Variants in RERGL observed in about 807,000 individuals in gnomAD.
RERGL encodes ras-related and estrogen-regulated growth inhibitor-like protein.
RERGL carries 22 observed loss-of-function variants against 24.7 expected under a neutral mutation model. That is an observed-to-expected ratio of 0.89 (90% CI 0.64 to 1.27). The LOEUF (loss-of-function observed/expected upper bound fraction) is 1.27, where lower values mean the gene tolerates loss of function less well. Ranked by LOEUF, RERGL falls within the 50% of genes most tolerant of loss-of-function variation. RERGL has a pLI of 0.00. For synonymous variants in RERGL, 76 were observed against 82.6 expected (o/e 0.92, Z 0.43); for missense variants, 259 against 235.3 (o/e 1.10, Z -0.66).
Position 18,088,923 on chromosome 12 carries a change from A to G in RERGL, c.86T>C (p.Ile29Thr), listed in dbSNP as rs376470962. 81 of 1,609,910 alleles carry G rather than the reference A, an allele frequency of 5.0e-5. No individual in the cohort carries two copies. In the Middle Eastern group the frequency reaches 8.3e-4, roughly 16 times the overall value. ...LTVRFLTKRF[I>T]GEYASNFESI... ...ACCAAAATTAGAAGCATATTCTCCA[A>G]TGAATCGCTTAGTAAGAAACCTCAC... The change falls in exon 2 of 5, where the codon ATT (isoleucine) becomes ACT (threonine). Residue 29 changes from isoleucine to threonine, a missense_variant. Physicochemically the swap from Ile to Thr is moderately conservative, Grantham distance 89. Coordinates refer to ENST00000538724, the MANE Select transcript of RERGL (RefSeq NM_001286201.2).
intron 4 of RERGL, 53 bp from the exon 5 acceptor site, chr12:18,081,526 T>TAAAA: frequency 2.6e-5 from 26 of 1,011,552 alleles, no homozygotes; most frequent in Middle Eastern, 2.4e-4. Flanking sequence ...ACTCTTTTTT[T>TAAAA]TAAAAAAAAA....
In RERGL at chr12:18,084,401, G is replaced by A. The variant is rs1034933015; in HGVS notation, c.332+116C>T. 8 of 925,652 alleles carry A rather than the reference G, an allele frequency of 8.6e-6. No homozygotes were observed. The African/African-American group carries it at 1.4e-4, about 16-fold the overall frequency. 57.3% of individuals were successfully genotyped at this position (925,652 alleles called of 1,614,324 possible). A position where few individuals can be genotyped will look rare whatever the true frequency, so the allele number is the denominator to read the frequency against. ...CTCCTGTGGAATAGGAAGGTGAATT[G>A]TTCAGGGCTGTTAAATTTTGTAATT... is the stretch of plus-strand genomic sequence containing the variant. On this transcript the variant is annotated intron_variant, in intron 4 of 4. Coordinates refer to ENST00000538724, the MANE Select transcript of RERGL (RefSeq NM_001286201.2).
intron 2 of RERGL, among the ~76,000 whole-genome samples, chr12:18,087,269 G>T (rs1488273199): frequency 6.6e-6 from 1 of 152,088 alleles, no homozygotes; most frequent in Non-Finnish European, 1.5e-5. Flanking sequence ...TTTCTTCAAT[G>T]ACTCCCCATC....
intron 2 of RERGL, among the ~76,000 whole-genome samples, chr12:18,087,847 G>T (rs568435654): frequency 1.3e-5 from 2 of 152,158 alleles, no homozygotes; most frequent in East Asian, 3.9e-4. Context: ...CTTCACAAAT[G>T]AAACAACAGG....
chr12:18,090,065 A>C, intron 1 of RERGL, 24 bp downstream of exon 1: 1 of 1,519,856 alleles, frequency 6.6e-7, no homozygotes, highest in Non-Finnish European at 8.8e-7. Flanking sequence ...ACTCTATGAT[A>C]ACAGAGAAGA....
In RERGL at chr12:18,088,923, A is replaced by C. The variant is rs376470962; in HGVS notation, c.86T>G (p.Ile29Ser). ...ACCAAAATTAGAAGCATATTCTCCA[A>C]TGAATCGCTTAGTAAGAAACCTCAC... ...LTVRFLTKRF[I>S]GEYASNFESI... is the part of the protein sequence containing the mutation. The change falls in exon 2 of 5, where the codon ATT (isoleucine) becomes AGT (serine). Residue 29 changes from isoleucine (I) to serine (S), a missense_variant. Coordinates refer to ENST00000538724, the MANE Select transcript of RERGL (RefSeq NM_001286201.2). 2.5e-6 allele frequency: 4 copies of C among 1,609,792 alleles called. No homozygotes were observed. In the African/African-American group the frequency reaches 5.3e-5, roughly 22 times the overall value.
intron 1 of RERGL, 114 bp downstream of exon 1, chr12:18,089,975 A>C (rs992459446): frequency 1.4e-6 from 1 of 691,834 alleles, no homozygotes; most frequent in Admixed American, 3.6e-5. Flanking sequence ...ATGTTATTAT[A>C]GATATATTTT....
chr12:18,085,850 T>C (rs1370346984), intron 2 of RERGL, among the ~76,000 whole-genome samples, 157 bp from the exon 3 acceptor site: 8 of 79,464 alleles, frequency 1.0e-4, no homozygotes, highest in Non-Finnish European at 2.0e-4. Flanking sequence ...ATATGTTTCT[T>C]TTTTTTTTTT....
At chr12:18,084,437 A>T in intron 4 of RERGL, 80 bp downstream of exon 4, 2 of 1,389,522 alleles carry the variant, frequency 1.4e-6, no homozygotes, top group Non-Finnish European at 1.9e-6. Flanking sequence ...GGAAGGCTGT[A>T]TTAAACTCTT....
chr12:18,083,856 G>A (rs1177527109), intron 4 of RERGL, among the ~76,000 whole-genome samples: 1 of 152,064 alleles, frequency 6.6e-6, no homozygotes, highest in African/African-American at 2.4e-5. Context: ...TACTTTCAAT[G>A]GAAAAGGCCA....
At chr12:18,088,855 G>A (rs778725183) in intron 2 of RERGL, 45 bp downstream of exon 2, 35 of 1,168,194 alleles carry the variant, frequency 3.0e-5, no homozygotes, top group South Asian at 1.6e-4. Context: ...ATTTAATTAC[G>A]ATGTTAAAAG....
At chr12:18,086,801 C>G (rs1252599653) in intron 2 of RERGL, among the ~76,000 whole-genome samples, 1 of 152,118 alleles carries the variant, frequency 6.6e-6, no homozygotes, top group African/African-American at 2.4e-5. Context: ...TCCCTGAACT[C>G]CGGACACAAA....
At chr12:18,084,378 C>G in intron 4 of RERGL, 139 bp downstream of exon 4, 1 of 647,278 alleles carries the variant, frequency 1.5e-6, no homozygotes, top group Non-Finnish European at 2.5e-6. Context: ...ATGTGTAACT[C>G]CTGTGGAATA....
intron 4 of RERGL, among the ~76,000 whole-genome samples, chr12:18,082,937 A>G (rs1451141863): frequency 2.0e-5 from 3 of 152,162 alleles, no homozygotes; most frequent in South Asian, 4.1e-4. Flanking sequence ...GTTGAAGAAT[A>G]TATTAAAATC....
At chr12:18,081,982 T>A (rs562629352) in intron 4 of RERGL, among the ~76,000 whole-genome samples, 1 of 151,834 alleles carries the variant, frequency 6.6e-6, no homozygotes, top group South Asian at 2.1e-4. Context: ...CTACTAAAAG[T>A]ACAAAAAATT....
intron 1 of RERGL, among the ~76,000 whole-genome samples, chr12:18,089,579 A>G (rs1314564744): frequency 6.6e-6 from 1 of 152,160 alleles, no homozygotes; most frequent in Non-Finnish European, 1.5e-5. Context: ...GTTAGAGCAC[A>G]TTATTGCTCA....
intron 2 of RERGL, among the ~76,000 whole-genome samples, chr12:18,087,591 A>G (rs1330415978): frequency 6.6e-6 from 1 of 152,156 alleles, no homozygotes; most frequent in East Asian, 1.9e-4. Context: ...GCTTTTGATC[A>G]TTTGATTAGC....
chr12:18,089,253 C>T, intron 1 of RERGL: 4 of 1,607,676 alleles, frequency 2.5e-6, no homozygotes, highest in Non-Finnish European at 3.4e-6. Flanking sequence ...ACAGATTTCT[C>T]ATTATATTTG....
In RERGL at chr12:18,081,464, T is replaced by C. The variant is rs765252009; in HGVS notation, c.342A>G (p.Glu114=). ...TGTTGCCAACCAAAAACACTGCTGA[T>C]TCCACAGCTCTGAAATAGAGATACA... ...PQTSHCKRAV[E]SAVFLVGNKR... Residue 114 remains glutamate (E), a synonymous_variant, in exon 5 of 5, where the codon GAA becomes GAG. Transcript: ENST00000538724. The C allele has an allele frequency of 6.2e-7, 1 of 1,606,744 alleles. No individual in the cohort carries two copies. Among genetic ancestry groups the C allele is most frequent in the Non-Finnish European group, 8.5e-7 (1 of 1,174,570 alleles).
Sources: allele counts gnomAD v4.1 joint callset (sites outside exome capture counted in the v4.1 genomes callset), GRCh38; gene constraint gnomAD v4.1.1; transcripts MANE v1.5; gene names NCBI Gene and HGNC (gene_info 2026-07-23, HGNC 2026-07-21).